MAD1L1: variants seen among roughly 807,000 people sequenced by gnomAD.
MAD1L1 encodes the protein mitotic arrest deficient 1 like 1.
Under a neutral mutation model 96.9 loss-of-function variants are expected in MAD1L1, and 95 were observed. That is an observed-to-expected ratio of 0.98 (90% CI 0.83 to 1.16). The LOEUF (loss-of-function observed/expected upper bound fraction) is 1.16. MAD1L1 is among the 50% of genes most tolerant of loss of function. The pLI, the probability that MAD1L1 is intolerant of heterozygous loss-of-function variation, is 0.00. For synonymous variants in MAD1L1, 473 were observed against 396.6 expected (o/e 1.19, Z -2.29); for missense variants, 1,007 against 954.4 (o/e 1.06, Z -0.73).
intron 18 of MAD1L1, among the ~76,000 whole-genome samples, chr7:1,828,751 G>T (rs183647319): frequency 7.0e-6 from 1 of 143,554 alleles, no homozygotes; most frequent in Non-Finnish European, 1.6e-5. Flanking sequence ...ACACAGCCTC[G>T]CAGCACTCAA....
intron 11 of MAD1L1, among the ~76,000 whole-genome samples, chr7:2,102,323 C>G (rs1027729858): frequency 6.6e-6 from 1 of 150,868 alleles, no homozygotes; most frequent in African/African-American, 2.4e-5. Context: ...CCATCACCGC[C>G]GTCACCATCA....
intron 11 of MAD1L1, among the ~76,000 whole-genome samples, chr7:2,080,680 G>A (rs923374628): frequency 1.3e-5 from 2 of 152,312 alleles, no homozygotes; most frequent in South Asian, 2.1e-4. Context: ...GGAAACTCCC[G>A]GGTCGCAGAG....
chr7:2,114,673 G>GT lies in MAD1L1; in HGVS notation c.1073+34478dup, dbSNP rs1251876225. 6.6e-6 allele frequency among the ~76,000 whole-genome samples: 1 copy of GT among 152,256 alleles called. No individual in the cohort carries two copies. Among genetic ancestry groups the GT allele is most frequent in the African/African-American group, 2.4e-5 (1 of 41,550 alleles). On this transcript the variant is annotated intron_variant, in intron 11 of 18. Coordinates refer to ENST00000265854, the MANE Select transcript of MAD1L1 (RefSeq NM_001013836.2). The surrounding 1 kb of genome is among the most constrained non-coding windows in gnomAD (Gnocchi z 4.2). ...CAGCCTGTTTTTGTAAACAACTTTT[G>GT]TTTTTTTAACAAAGTTTTGATGGAG...
Position 2,142,106 on chromosome 7 carries a change from T to A in MAD1L1, c.1073+7046A>T, listed in dbSNP as rs1584416370. ...TGGTGCCAGACCCCAGGCACAGGGATGTCCCTCACATTTCCCCAAAAACCC... is the reference window on the plus strand; with the variant it reads ...TGGTGCCAGACCCCAGGCACAGGGAAGTCCCTCACATTTCCCCAAAAACCC... On this transcript the variant is annotated intron_variant, in intron 11 of 18. Transcript: ENST00000265854. The surrounding 1 kb of genome is among the most constrained non-coding windows in gnomAD (Gnocchi z 4.7). Among the ~76,000 whole-genome samples, 1 of 152,166 alleles carries A rather than the reference T, an allele frequency of 6.6e-6. No homozygotes were observed. Among genetic ancestry groups the A allele is most frequent in the South Asian group, 2.1e-4 (1 of 4,832 alleles).
At chr7:2,042,198 GAC>G (rs914257718) in intron 12 of MAD1L1, among the ~76,000 whole-genome samples, 27 of 145,082 alleles carry the variant, frequency 1.9e-4, no homozygotes, top group Admixed American at 1.6e-3. Context: ...CACGCACATG[GAC>G]ACAGACACGC....
chr7:1,866,091 C>G (rs896287409), intron 18 of MAD1L1, among the ~76,000 whole-genome samples: 14 of 152,316 alleles, frequency 9.2e-5, no homozygotes, highest in African/African-American at 3.4e-4. Flanking sequence ...ACGAGTGCCC[C>G]CTGACAGACC....
At chr7:2,022,069 C>G (rs949695560) in intron 12 of MAD1L1, among the ~76,000 whole-genome samples, 3 of 152,190 alleles carry the variant, frequency 2.0e-5, no homozygotes, top group African/African-American at 7.2e-5. Context: ...GATCCTCCCA[C>G]CTCAGCCTCC....
chr7:1,874,052 C>T (rs189069926), intron 18 of MAD1L1, among the ~76,000 whole-genome samples: 1 of 152,310 alleles, frequency 6.6e-6, no homozygotes, highest in African/African-American at 2.4e-5. Context: ...CTCTGAGCAC[C>T]CCATGCTAGG....
intron 10 of MAD1L1, among the ~76,000 whole-genome samples, chr7:2,155,330 T>C (rs909589660): frequency 1.3e-5 from 2 of 152,150 alleles, no homozygotes; most frequent in Non-Finnish European, 2.9e-5. Flanking sequence ...TAACATAAAA[T>C]ATACCATCTT....
chr7:2,168,892 C>G (rs936291661), intron 10 of MAD1L1, among the ~76,000 whole-genome samples: 1 of 152,122 alleles, frequency 6.6e-6, no homozygotes, highest in Non-Finnish European at 1.5e-5. Flanking sequence ...GTGGCTGAAG[C>G]GGGAGGAACA....
intron 17 of MAD1L1, among the ~76,000 whole-genome samples, chr7:1,922,475 T>C (rs759893217): frequency 5.3e-5 from 8 of 152,330 alleles, no homozygotes; most frequent in Non-Finnish European, 1.0e-4. Context: ...ATATTTCTCA[T>C]AAAGTGAGCT....
At chr7:2,105,550 C>CA (rs1291429295) in intron 11 of MAD1L1, among the ~76,000 whole-genome samples, 1 of 152,130 alleles carries the variant, frequency 6.6e-6, no homozygotes, top group Non-Finnish European at 1.5e-5. Flanking sequence ...GCTGCTCCTA[C>CA]ACTGCCCTGA....
intron 10 of MAD1L1, among the ~76,000 whole-genome samples, chr7:2,169,365 G>A (rs928819664): frequency 3.9e-5 from 6 of 152,010 alleles, no homozygotes; most frequent in Non-Finnish European, 5.9e-5. Context: ...CATTACTTGT[G>A]CAATAAAATT....
chr7:1,980,590 G>GTTCCC (rs1562580728), intron 14 of MAD1L1, 49 bp from the exon 15 acceptor site: 2 of 1,486,234 alleles, frequency 1.3e-6, no homozygotes, highest in East Asian at 4.7e-5. Flanking sequence ...GCGCACCCAG[G>GTTCCC]TGTGTGGGGA....
At chr7:2,110,086 G>C (rs1787301372) in intron 11 of MAD1L1, among the ~76,000 whole-genome samples, 1 of 152,356 alleles carries the variant, frequency 6.6e-6, no homozygotes, top group Admixed American at 6.5e-5. Flanking sequence ...GGGAAGTTCA[G>C]TTTATTAAAC....
intron 10 of MAD1L1, among the ~76,000 whole-genome samples, chr7:2,187,503 G>A (rs1405283380): frequency 6.6e-6 from 1 of 152,192 alleles, no homozygotes; most frequent in African/African-American, 2.4e-5. Flanking sequence ...TGCTGCCCAG[G>A]CTGGACTGCA....
At chr7:2,074,785 T>C (rs1364894573) in intron 11 of MAD1L1, among the ~76,000 whole-genome samples, 2 of 151,942 alleles carry the variant, frequency 1.3e-5, no homozygotes, top group Non-Finnish European at 2.9e-5. Flanking sequence ...AGACAGGCCA[T>C]CAGCAAACCA....
chr7:1,858,784 C>T (rs530322713), intron 18 of MAD1L1, among the ~76,000 whole-genome samples: 4 of 152,216 alleles, frequency 2.6e-5, no homozygotes, highest in African/African-American at 9.6e-5. Flanking sequence ...GCAAGGGGCC[C>T]CCAGCTGGAA....
chr7:2,067,094 G>A (rs555677773), intron 12 of MAD1L1, among the ~76,000 whole-genome samples: 24 of 152,310 alleles, frequency 1.6e-4, no homozygotes, highest in African/African-American at 2.6e-4. Flanking sequence ...CCCCAGCCCC[G>A]ACCCAGAATC....
Sources: allele counts gnomAD v4.1 joint callset (sites outside exome capture counted in the v4.1 genomes callset), GRCh38; gene constraint gnomAD v4.1.1; non-coding constraint Gnocchi (gnomAD v3.1); transcripts MANE v1.5; gene names NCBI Gene and HGNC (gene_info 2026-07-23, HGNC 2026-07-21).